STX12: variants seen among roughly 807,000 people sequenced by gnomAD.
STX12 encodes syntaxin-12.
STX12 carries 17 observed loss-of-function variants against 42.2 expected under a neutral mutation model. The ratio of observed to expected loss-of-function variants is 0.40; its 90% CI spans 0.28 to 0.60. The LOEUF is 0.60. STX12 is among the 20% of genes least tolerant of loss of function. The probability of loss-of-function intolerance (pLI) is 0.39; values close to 1 mark genes in which losing one functional copy is unlikely to be tolerated. For missense variants in STX12, 297 were observed against 330.9 expected (o/e 0.90, Z 0.79); for synonymous variants, 108 against 116.7 (o/e 0.93, Z 0.48).
At chr1:27,790,605 C>A (rs1377406189) in intron 2 of STX12, among the ~76,000 whole-genome samples, 1 of 152,206 alleles carries the variant, frequency 6.6e-6, no homozygotes, top group Non-Finnish European at 1.5e-5. Context: ...GCTGGCTTCA[C>A]CTCTAAGTAT....
intron 1 of STX12, among the ~76,000 whole-genome samples, chr1:27,781,006 C>A (rs767749008): frequency 6.6e-6 from 1 of 151,932 alleles, no homozygotes; most frequent in Non-Finnish European, 1.5e-5. Context: ...TACTGCCTGC[C>A]TGGCACATAG....
intron 6 of STX12, among the ~76,000 whole-genome samples, chr1:27,817,019 G>GGA (rs1192758703): frequency 1.4e-5 from 2 of 146,768 alleles, no homozygotes; most frequent in Non-Finnish European, 3.0e-5. Context: ...GAAAGGGAAG[G>GGA]GAGAGAGAGA....
intron 6 of STX12, among the ~76,000 whole-genome samples, chr1:27,815,064 T>C (rs2088931705): frequency 6.6e-6 from 1 of 152,126 alleles, no homozygotes; most frequent in Non-Finnish European, 1.5e-5. Flanking sequence ...AATAGTAATG[T>C]AGTATAAAAT....
At position 27,801,769 on chromosome 1, in the gene STX12, A is replaced by C. The variant is rs1297578025; in HGVS notation, c.380A>C (p.Lys127Thr). The C allele has an allele frequency of 6.3e-7, 1 of 1,595,588 alleles. No individual in the cohort carries two copies. The highest frequency in any genetic ancestry group is 8.5e-7 in the Non-Finnish European group (1 of 1,173,514). Residue 127 changes from lysine (K) to threonine (T), a missense_variant, in exon 4 of 9, where the codon AAG becomes ACG. By Grantham distance (78) the Lys-to-Thr change is moderately conservative (BLOSUM62 -1). Transcript: ENST00000373943. ...GCTGTGCAGAGAAGGGTATCTGAAA[A>C]GGAAAAGGAGAGTATTGCCAGAGCA... Reference protein sequence around the residue: ...FQAVQRRVSEKEKESIARARA... With the variant: ...FQAVQRRVSETEKESIARARA...
chr1:27,809,822 A>G (rs1481873790), intron 4 of STX12: 1 of 154,414 alleles, frequency 6.5e-6, no homozygotes, highest in Non-Finnish European at 1.4e-5. Context: ...AAAAAAAGGT[A>G]ACACCATTTA....
Position 27,797,875 on chromosome 1 carries a change from AACACAC to A in STX12, c.289-3775_289-3770del, listed in dbSNP as rs61106135. ...AAGGGGAAAAAAAATTCTGAAGGTA[AACACAC>A]ACACACACACACACACACACACACA... is the stretch of plus-strand genomic sequence containing the variant. On this transcript the variant is annotated intron_variant, in intron 3 of 8. Coordinates refer to ENST00000373943, the MANE Select transcript of STX12 (RefSeq NM_177424.3). 2.4e-4 allele frequency among the ~76,000 whole-genome samples: 35 copies of A among 143,188 alleles called. No homozygotes were observed. In the South Asian group the frequency reaches 4.3e-3, roughly 17 times the overall value. 93.9% of individuals were successfully genotyped at this position (143,188 alleles called of 152,430 possible).
chr1:27,801,787 C>T lies in STX12; in HGVS notation c.398C>T (p.Ala133Val). 6.3e-7 allele frequency: 1 copy of T among 1,587,714 alleles called. No individual in the cohort carries two copies. The highest frequency in any genetic ancestry group is 8.5e-7 in the Non-Finnish European group (1 of 1,170,634). ...RVSEKEKESI[A>V]RARAGSRLSA... is the part of the protein sequence containing the mutation. Reference sequence around the variant, plus strand: ...TCTGAAAAGGAAAAGGAGAGTATTGCCAGAGCAAGAGCTGGATCTCGTCTT... The same window carrying T: ...TCTGAAAAGGAAAAGGAGAGTATTGTCAGAGCAAGAGCTGGATCTCGTCTT... The change falls in exon 4 of 9, where the codon GCC becomes GTC. Residue 133 changes from alanine to valine, a missense_variant. By Grantham distance (64) the Ala-to-Val change is moderately conservative (BLOSUM62 0). Coordinates refer to ENST00000373943, the MANE Select transcript of STX12 (RefSeq NM_177424.3).
At chr1:27,790,735 A>G (rs1341123586) in intron 2 of STX12, among the ~76,000 whole-genome samples, 1 of 152,106 alleles carries the variant, frequency 6.6e-6, no homozygotes, top group East Asian at 1.9e-4. Context: ...TGAGGTCAGG[A>G]GTTCAAGACC....
chr1:27,819,961 AC>A, intron 8 of STX12: 2 of 422,690 alleles, frequency 4.7e-6, no homozygotes, highest in Admixed American at 7.6e-5. Context: ...TGCAAAGCTA[AC>A]CCTATACACT....
chr1:27,775,158 A>G (rs1282255819), intron 1 of STX12, among the ~76,000 whole-genome samples: 1 of 152,194 alleles, frequency 6.6e-6, no homozygotes, highest in African/African-American at 2.4e-5. Flanking sequence ...TTTAATATCT[A>G]TTTGCGAAAT....
intron 1 of STX12, among the ~76,000 whole-genome samples, chr1:27,777,671 G>T (rs1223273596): frequency 6.6e-6 from 1 of 152,104 alleles, no homozygotes; most frequent in Non-Finnish European, 1.5e-5. Context: ...CGGATCACAA[G>T]GTCAGGAGTT....
chr1:27,792,186 CTATATATGTATA>C (rs2088749561), intron 2 of STX12, among the ~76,000 whole-genome samples: 1 of 94,688 alleles, frequency 1.1e-5, no homozygotes, highest in Non-Finnish European at 1.7e-5. Flanking sequence ...ATATATGTAT[CTATATATGTATA>C]TACATATATA....
intron 4 of STX12, among the ~76,000 whole-genome samples, chr1:27,807,703 CTGTATGTGTTATACCAGGA>C (rs2088872631): frequency 6.6e-6 from 1 of 152,188 alleles, no homozygotes; most frequent in Admixed American, 6.5e-5. Flanking sequence ...CTAGAGAAAC[CTGTATGTGTTATACCAGGA>C]TGTATGTACA....
Position 27,822,226 on chromosome 1 carries a change from C to T in STX12, c.733-5C>T. ...AGTATCTTGTTTACATATTTCTTTC[C>T]TCAGAAAAAATCTCGCAAGAAGATG... On this transcript the variant is annotated splice_region_variant and splice_polypyrimidine_tract_variant and intron_variant, in intron 8 of 8. Transcript: ENST00000373943. 2 of 1,587,628 alleles carry T rather than the reference C, an allele frequency of 1.3e-6. No homozygotes were observed. Among genetic ancestry groups the T allele is most frequent in the Non-Finnish European group, 1.7e-6 (2 of 1,156,070 alleles).
At chr1:27,775,923 T>C (rs2088625502) in intron 1 of STX12, among the ~76,000 whole-genome samples, 1 of 151,940 alleles carries the variant, frequency 6.6e-6, no homozygotes, top group Admixed American at 6.6e-5. Flanking sequence ...TTCCAGAAAG[T>C]AGTGGGAAAA....
chr1:27,774,883 A>G (rs1194352731), intron 1 of STX12, among the ~76,000 whole-genome samples: 2 of 152,164 alleles, frequency 1.3e-5, no homozygotes, highest in Non-Finnish European at 1.5e-5. Context: ...TATGTTGCCC[A>G]GGCTCACTTT....
At chr1:27,795,632 C>A (rs1204713581) in intron 3 of STX12, among the ~76,000 whole-genome samples, 1 of 151,940 alleles carries the variant, frequency 6.6e-6, no homozygotes, top group Non-Finnish European at 1.5e-5. Flanking sequence ...TATTGTAAAT[C>A]TCTGTCAAAA....
rs1557809094 is a variant in STX12, at chr1:27,819,681, G to T, written c.681G>T (p.Glu227Asp). 1.2e-6 allele frequency: 2 copies of T among 1,613,940 alleles called. No homozygotes were observed. Residue 227 changes from glutamate to aspartate, a missense_variant, in exon 8 of 9, where the codon GAG (glutamate) becomes GAT (aspartate). Glu to Asp is a conservative substitution (Grantham distance 45). Transcript: ENST00000373943. ...TAGAAGCCAATGTGGAAAGCTCAGA[G>T]GTGCACGTCGAAAGAGCCACTGAAC... ...DSIEANVESS[E>D]VHVERATEQL...
At chr1:27,791,405 T>C (rs550022304) in intron 2 of STX12, among the ~76,000 whole-genome samples, 81 of 152,332 alleles carry the variant, frequency 5.3e-4, no homozygotes, top group African/African-American at 1.8e-3. Context: ...GTAATCAGAA[T>C]GGCCCAAGGG....
Sources: gnomAD v4.1 joint callset for allele counts (sites outside exome capture counted in the v4.1 genomes callset) on GRCh38, gnomAD v4.1.1 for gene constraint, MANE v1.5 for transcripts, NCBI Gene and HGNC (gene_info 2026-07-23, HGNC 2026-07-21) for gene names.